MACO1: variants seen among roughly 807,000 people sequenced by gnomAD.
MACO1 encodes the protein macoilin.
A neutral mutation model predicts 78.7 loss-of-function variants in MACO1; 14 were observed. That is an observed-to-expected ratio of 0.18 (90% CI 0.12 to 0.28). The LOEUF (loss-of-function observed/expected upper bound fraction) is 0.28, where lower values mean the gene tolerates loss of function less well. Ranked by LOEUF, MACO1 falls within the 10% of genes least tolerant of loss-of-function variation. The pLI, the probability that MACO1 is intolerant of heterozygous loss-of-function variation, is 1.00. For synonymous variants in MACO1, 288 were observed against 291.6 expected, an observed-to-expected ratio of 0.99 and a Z score of 0.12; for missense variants, 501 against 799.0, an observed-to-expected ratio of 0.63 and a Z score of 4.50.
At chr1:25,475,196 T>A (rs2043310446) in intron 6 of MACO1, among the ~76,000 whole-genome samples, 2 of 151,472 alleles carry the variant, frequency 1.3e-5, no homozygotes, top group South Asian at 2.1e-4. Context: ...TACAAAAAAA[T>A]TAGCCGGGCA....
At chr1:25,472,709 T>C (rs1033112621) in intron 6 of MACO1, among the ~76,000 whole-genome samples, 1 of 152,196 alleles carries the variant, frequency 6.6e-6, no homozygotes, top group Non-Finnish European at 1.5e-5. Context: ...ATTCAGGCTT[T>C]GGGGGTTCCC....
chr1:25,435,608 C>T (rs2042912867), intron 1 of MACO1, among the ~76,000 whole-genome samples: 1 of 152,140 alleles, frequency 6.6e-6, no homozygotes, highest in South Asian at 2.1e-4. Context: ...TGTCATGACC[C>T]TTGGCTGCCT....
intron 6 of MACO1, among the ~76,000 whole-genome samples, chr1:25,481,900 A>C (rs1211032477): frequency 2.0e-5 from 3 of 152,202 alleles, no homozygotes; most frequent in Non-Finnish European, 4.4e-5. Flanking sequence ...GGCTACTTGC[A>C]CCTGCAGGGT....
In MACO1 at chr1:25,446,805, C is replaced by T. The variant is rs374582733; in HGVS notation, c.124C>T (p.Leu42Phe). ...LKFLVVWALV[L>F]LADFVLEFRF... ...ATTCCTGGTGGTGTGGGCACTTGTCCTCCTAGCAGATTTTGTCCTGGAGTT... is the reference window on the plus strand; with the variant it reads ...ATTCCTGGTGGTGTGGGCACTTGTCTTCCTAGCAGATTTTGTCCTGGAGTT... The change falls in exon 2 of 11, where the codon CTC becomes TTC. Residue 42 changes from leucine to phenylalanine, a missense_variant. This residue lies in a region of MACO1 where 171 missense variants were observed against 292.1 expected (regional missense o/e 0.59). Transcript: ENST00000374343. The T allele has an allele frequency of 6.2e-6, 10 of 1,613,398 alleles. No homozygotes were observed. The highest frequency in any genetic ancestry group is 8.5e-6 in the Non-Finnish European group (10 of 1,179,766).
At chr1:25,479,528 C>A (rs974056491) in intron 6 of MACO1, among the ~76,000 whole-genome samples, 17 of 152,126 alleles carry the variant, frequency 1.1e-4, no homozygotes, top group Non-Finnish European at 5.9e-5. Flanking sequence ...ATTCTCCTGC[C>A]TCAGCCTCCC....
rs2043180483 is a variant in MACO1, at chr1:25,462,479, GTGTCT to G, written c.1154+3588_1154+3592del. On this transcript the variant is annotated intron_variant, in intron 6 of 10. Coordinates refer to ENST00000374343, the MANE Select transcript of MACO1 (RefSeq NM_018202.6). ...TCTCTTCCTCCTTTTCAAGTCCCTAGTGTCTGTTGTTCCAGTCTTTCTGTCCGTGT... is the reference window on the plus strand; with the variant it reads ...TCTCTTCCTCCTTTTCAAGTCCCTAGGTTGTTCCAGTCTTTCTGTCCGTGT... Among the ~76,000 whole-genome samples the G allele has an allele frequency of 5.9e-5, 9 of 152,174 alleles. No homozygotes were observed. The South Asian group carries it at 1.7e-3, about 28-fold the overall frequency.
intron 6 of MACO1, among the ~76,000 whole-genome samples, chr1:25,478,180 G>A (rs1371791673): frequency 6.6e-6 from 1 of 152,194 alleles, no homozygotes; most frequent in East Asian, 1.9e-4. Flanking sequence ...AGGAGGCAGA[G>A]GTTGCAGTGA....
intron 5 of MACO1, among the ~76,000 whole-genome samples, chr1:25,457,035 AAATAT>A (rs2043127741): frequency 6.6e-6 from 1 of 151,838 alleles, no homozygotes; most frequent in African/African-American, 2.4e-5. Flanking sequence ...CTATGTGTTT[AAATAT>A]GTTTATTTTA....
chr1:25,480,929 A>AAAAT (rs1553166539), intron 6 of MACO1, among the ~76,000 whole-genome samples: 32 of 47,870 alleles, frequency 6.7e-4, no homozygotes, highest in East Asian at 2.2e-3. Flanking sequence ...AAAAAAAAAA[A>AAAAT]ATATATATAT....
chr1:25,444,784 A>G (rs1370413842), intron 1 of MACO1, among the ~76,000 whole-genome samples: 1 of 151,978 alleles, frequency 6.6e-6, no homozygotes, highest in Non-Finnish European at 1.5e-5. Context: ...ATGGGGTCTC[A>G]CTATGTTGCC....
chr1:25,480,929 AATATATATATAT>A lies in MACO1; in HGVS notation c.1155-3152_1155-3141del, dbSNP rs202050214. On this transcript the variant is annotated intron_variant, in intron 6 of 10. Transcript: ENST00000374343. Reference sequence around the variant, plus strand: ...AGACTTGGTTAAAAAAAAAAAAAAAAATATATATATATATATATATATATATATATATATATA... The same window carrying A: ...AGACTTGGTTAAAAAAAAAAAAAAAAATATATATATATATATATATATATA... Among the ~76,000 whole-genome samples, 237 of 47,472 alleles carry A rather than the reference AATATATATATAT, an allele frequency of 5.0e-3. 1 individual carries two copies. Among genetic ancestry groups the A allele is most frequent in the South Asian group, 0.015 (16 of 1,048 alleles). 31.1% of individuals were successfully genotyped at this position (47,472 alleles called of 152,430 possible).
chr1:25,486,259 A>G (rs1412297083), intron 8 of MACO1, among the ~76,000 whole-genome samples: 1 of 152,210 alleles, frequency 6.6e-6, no homozygotes, highest in Non-Finnish European at 1.5e-5. Context: ...GGCTGCTCAA[A>G]TGGATATCAG....
chr1:25,495,389 A>G, intron 10 of MACO1, among the ~76,000 whole-genome samples: 1 of 152,222 alleles, frequency 6.6e-6, no homozygotes, highest in East Asian at 1.9e-4. Context: ...AAAAAGATAC[A>G]GTGGCTTATA....
At chr1:25,439,356 A>G (rs1269164643) in intron 1 of MACO1, among the ~76,000 whole-genome samples, 1 of 151,806 alleles carries the variant, frequency 6.6e-6, no homozygotes. Context: ...TGATCACACC[A>G]CTGCGCTACA....
In MACO1 at chr1:25,448,797, T is replaced by C; in HGVS notation, c.223-11T>C. 1.3e-6 allele frequency: 2 copies of C among 1,520,876 alleles called. 1 individual carries two copies. The highest frequency in any genetic ancestry group is 2.7e-5 in the South Asian group (2 of 75,258). 94.2% of individuals were successfully genotyped at this position (1,520,876 alleles called of 1,614,324 possible). Reference sequence around the variant, plus strand: ...GATGTATCTTTTATTTTGTTTTATTTTTCCCTTTAGGCCTTCTCAGTATTT... The same window carrying C: ...GATGTATCTTTTATTTTGTTTTATTCTTCCCTTTAGGCCTTCTCAGTATTT... On this transcript the variant is annotated splice_polypyrimidine_tract_variant and intron_variant, in intron 2 of 10. Coordinates refer to ENST00000374343, the MANE Select transcript of MACO1 (RefSeq NM_018202.6).
chr1:25,456,337 A>G (rs1378303475), intron 4 of MACO1, among the ~76,000 whole-genome samples: 1 of 152,066 alleles, frequency 6.6e-6, no homozygotes, highest in Non-Finnish European at 1.5e-5. Context: ...CTTCAAAGGC[A>G]TTATTAGCCA....
intron 10 of MACO1, among the ~76,000 whole-genome samples, chr1:25,495,375 A>C (rs1032343680): frequency 7.2e-5 from 11 of 152,212 alleles, no homozygotes; most frequent in Non-Finnish European, 1.2e-4. Flanking sequence ...TTAAATCGGC[A>C]GGGAAAAAGA....
intron 5 of MACO1, among the ~76,000 whole-genome samples, chr1:25,458,104 C>A (rs1221736609): frequency 1.3e-5 from 2 of 152,114 alleles, no homozygotes; most frequent in Non-Finnish European, 2.9e-5. Context: ...AATTATAAAA[C>A]CCTGATCTTG....
At chr1:25,453,934 G>A (rs1365106296) in intron 3 of MACO1, among the ~76,000 whole-genome samples, 2 of 152,074 alleles carry the variant, frequency 1.3e-5, no homozygotes, top group Admixed American at 6.5e-5. Context: ...TTAGCCATCT[G>A]TATTCTTTTG....
Sources: gnomAD v4.1 joint callset for allele counts (sites outside exome capture counted in the v4.1 genomes callset) on GRCh38, gnomAD v4.1.1 for gene constraint, gnomAD v4.1.1 regional missense constraint, MANE v1.5 for transcripts, NCBI Gene and HGNC (gene_info 2026-07-23, HGNC 2026-07-21) for gene names.